The following AMT variants were observed in gnomAD, a reference collection of about 807,000 sequenced individuals.
AMT encodes aminomethyltransferase, mitochondrial.
AMT carries 24 observed loss-of-function variants against 39.5 expected under a neutral mutation model. The observed-to-expected ratio is 0.61, with a 90% CI of 0.44 to 0.86. AMT has a LOEUF of 0.86. Among genes scored for constraint, AMT ranks in the 40% least tolerant of loss-of-function variants. The pLI is 0.00. For synonymous variants in AMT, 210 were observed against 212.1 expected (o/e 0.99, Z 0.09); for missense variants, 501 against 537.0 (o/e 0.93, Z 0.66).
In AMT at chr3:49,422,396, G is replaced by A. The variant is rs1265958704; in HGVS notation, c.55C>T (p.Pro19Ser). ...ARLGFRLQAFPPALCRPLSCA... is the reference protein window; with the variant it reads ...ARLGFRLQAFSPALCRPLSCA... ...CTAAGTGGACGACACAAGGCCGGGG[G>A]GAATGCCTGCAGGCGAAAGCCCAGA... Residue 19 changes from proline (P) to serine (S), a missense_variant, in exon 1 of 9, where the codon CCC (proline) becomes TCC (serine). Transcript: ENST00000273588. 1.2e-6 allele frequency: 2 copies of A among 1,613,910 alleles called. No individual in the cohort carries two copies. Among genetic ancestry groups the A allele is most frequent in the Admixed American group, 1.7e-5 (1 of 60,016 alleles).
rs994868932 is a variant in AMT at position 49,421,533 on chromosome 3, T to C, written c.298A>G (p.Ser100Gly). Residue 100 changes from serine (S) to glycine (G), a missense_variant, in exon 3 of 9, where the codon AGT becomes GGT. Ser to Gly is a moderately conservative substitution (Grantham distance 56). Transcript: ENST00000273588. ...TCTGCAATGTCTCCAACCACTAGACTCTCCATCAGCTTCACCCGGTCACTA... is the reference window on the plus strand; with the variant it reads ...TCTGCAATGTCTCCAACCACTAGACCCTCCATCAGCTTCACCCGGTCACTA... Reference protein sequence around the residue: ...LGSDRVKLMESLVVGDIAELR... With the variant: ...LGSDRVKLMEGLVVGDIAELR... The C allele has an allele frequency of 3.1e-6, 5 of 1,614,028 alleles. No individual in the cohort carries two copies. The highest frequency in any genetic ancestry group is 4.2e-6 in the Non-Finnish European group (5 of 1,180,030).
chr3:49,417,602 G>A lies in AMT; in HGVS notation c.1150C>T (p.Gln384Ter). 1 of 1,614,188 alleles carries A rather than the reference G, an allele frequency of 6.2e-7. No individual in the cohort carries two copies. Among genetic ancestry groups the A allele is most frequent in the Non-Finnish European group, 8.5e-7 (1 of 1,180,036 alleles). The change falls in exon 9 of 9, where the codon CAG (glutamine) becomes TAG (stop). Residue 384 changes from glutamine to a stop codon, truncating the protein, a stop_gained. Coordinates refer to ENST00000273588, the MANE Select transcript of AMT (RefSeq NM_000481.4). LOFTEE classifies it high-confidence loss of function. ...TMLLVEVRRK[Q>*]QMAVVSKMPF... ...ATCTTGCTGACTACAGCCATCTGCT[G>A]CTTCCGCCGCACCTCTACCAGCAGC... is the stretch of plus-strand genomic sequence containing the variant.
At chr3:49,421,724 A>C in intron 2 of AMT, 152 bp from the exon 3 acceptor site, 1 of 749,420 alleles carries the variant, frequency 1.3e-6, no homozygotes, top group Non-Finnish European at 2.3e-6. Flanking sequence ...GCAAAGGACC[A>C]CCTTCTGATT....
chr3:49,419,975 C>T lies in AMT; in HGVS notation c.472-187G>A, dbSNP rs142718660. The stretch of plus-strand genomic sequence containing the variant: ...TACTAAGTGATAGAGATGACCCAAG[C>T]CCAGTTCTGCCACCTCACACCAGAG... On this transcript the variant is annotated intron_variant, in intron 4 of 8. Transcript: ENST00000273588. 8.0e-4 allele frequency: 626 copies of T among 779,086 alleles called. 4 individuals are homozygous for T. In the African/African-American group the frequency reaches 9.5e-3, roughly 12 times the overall value. 48.3% of individuals were successfully genotyped at this position (779,086 alleles called of 1,614,324 possible).
chr3:49,417,994 CAT>C, intron 7 of AMT, 21 bp from the exon 8 acceptor site: 1 of 1,593,928 alleles, frequency 6.3e-7, no homozygotes, highest in Non-Finnish European at 8.5e-7. Flanking sequence ...ACACATGAGA[CAT>C]AAGCCACAGC....
Position 49,417,688 on chromosome 3 carries a change from GA to G in AMT, c.1063del (p.Ser355LeufsTer2), listed in dbSNP as rs776872417. The G allele has an allele frequency of 1.2e-6, 2 of 1,614,058 alleles. No homozygotes were observed. The highest frequency in any genetic ancestry group is 1.7e-6 in the Non-Finnish European group (2 of 1,180,034). ...ACCCATCGCCACATTCTTCTTCAGA[GA>G]GGGGGAGGGGCAGCCACTAGTCACA... is the stretch of plus-strand genomic sequence containing the variant. ...GTVTSGCPSP[S>X]LKKNVAMGYV... On this transcript the variant is annotated frameshift_variant, in exon 9 of 9. Transcript: ENST00000273588. LOFTEE classifies it high-confidence loss of function.
At position 49,417,699 on chromosome 3, in the gene AMT, G is replaced by GC. The variant is rs772953192; in HGVS notation, c.1052dup (p.Cys351TrpfsTer73). The GC allele has an allele frequency of 4.3e-6, 7 of 1,613,450 alleles. No individual in the cohort carries two copies. On this transcript the variant is annotated frameshift_variant, in exon 9 of 9. Transcript: ENST00000273588. LOFTEE classifies it high-confidence loss of function. ...CATTCTTCTTCAGAGAGGGGGAGGG[G>GC]CAGCCACTAGTCACAGTACCTGTCA...
At chr3:49,418,943 C>G in intron 7 of AMT, 28 bp downstream of exon 7, 1 of 1,612,714 alleles carries the variant, frequency 6.2e-7, no homozygotes, top group Admixed American at 1.7e-5. Flanking sequence ...CCTCCAGGAC[C>G]CTATCCTTTA....
Position 49,417,938 on chromosome 3 carries a change from C to A in AMT, c.913G>T (p.Ala305Ser). ...RRRAAMDFPGAKVIVPQLKGR... is the reference protein window; with the variant it reads ...RRRAAMDFPGSKVIVPQLKGR... ...TTCAGCTGGGGAACAATGACCTTGGCTCCAGGGAAGTCCATAGCAGCTCGG... is the reference window on the plus strand; with the variant it reads ...TTCAGCTGGGGAACAATGACCTTGGATCCAGGGAAGTCCATAGCAGCTCGG... Residue 305 changes from alanine (A) to serine (S), a missense_variant, in exon 8 of 9, where the codon GCC (alanine) becomes TCC (serine). Ala to Ser is a moderately conservative substitution (Grantham distance 99, BLOSUM62 1). Coordinates refer to ENST00000273588, the MANE Select transcript of AMT (RefSeq NM_000481.4). 6.2e-7 allele frequency: 1 copy of A among 1,613,900 alleles called. No homozygotes were observed. The highest frequency in any genetic ancestry group is 8.5e-7 in the Non-Finnish European group (1 of 1,179,942).
intron 4 of AMT, 110 bp downstream of exon 4, chr3:49,420,101 G>T: frequency 6.9e-7 from 1 of 1,439,564 alleles, no homozygotes; most frequent in Non-Finnish European, 9.7e-7. Context: ...TTCATTCACT[G>T]AAAGAGCCAT....
intron 5 of AMT, 54 bp from the exon 6 acceptor site, chr3:49,419,459 T>G: frequency 1.9e-6 from 3 of 1,599,608 alleles, no homozygotes; most frequent in Non-Finnish European, 2.6e-6. Context: ...CCCTCAAAGC[T>G]GGACTAAAGC....
rs757813236 is a variant in AMT, at chr3:49,417,000, C to G, written c.*540G>C. On this transcript the variant is annotated 3_prime_UTR_variant, in exon 9 of 9. Transcript: ENST00000273588. ...ATGTGGAAGAGTGAGTCTATGTTCC[C>G]TCAGCCATCCCCAAGTTTACACACA... 2 of 507,342 alleles carry G rather than the reference C, an allele frequency of 3.9e-6. No individual in the cohort carries two copies. Among genetic ancestry groups the G allele is most frequent in the Non-Finnish European group, 7.6e-6 (2 of 262,128 alleles). 31.4% of individuals were successfully genotyped at this position (507,342 alleles called of 1,614,324 possible).
intron 6 of AMT, 30 bp downstream of exon 6, chr3:49,419,230 G>A (rs767083373): frequency 6.2e-7 from 1 of 1,613,442 alleles, no homozygotes; most frequent in South Asian, 1.1e-5. Context: ...CCTGTGCCCT[G>A]TACTGCCCCC....
rs770048404 is a variant in AMT, at chr3:49,417,961, C to T, written c.890G>A (p.Arg297Gln). The T allele has an allele frequency of 2.2e-5, 35 of 1,611,698 alleles. No homozygotes were observed. Among genetic ancestry groups the T allele is most frequent in the Middle Eastern group, 1.7e-4 (1 of 5,964 alleles). The change falls in exon 8 of 9, where the codon CGA (arginine) becomes CAA (glutamine). Residue 297 changes from arginine to glutamine, a missense_variant. Arg to Gln is a conservative substitution (Grantham distance 43). Coordinates refer to ENST00000273588, the MANE Select transcript of AMT (RefSeq NM_000481.4). ...GGCTCCAGGGAAGTCCATAGCAGCT[C>T]GGCGGCGCTTCCCTGGAGAATGACA... ...SLSWTLGKRR[R>Q]AAMDFPGAKV... is the part of the protein sequence containing the mutation.
chr3:49,421,973 C>T, intron 2 of AMT, 131 bp downstream of exon 2: 1 of 1,309,866 alleles, frequency 7.6e-7, no homozygotes, highest in Non-Finnish European at 1.1e-6. Flanking sequence ...TCCATGACAC[C>T]CCCATGACCT....
Position 49,417,669 on chromosome 3 carries a change from C to T in AMT, c.1083G>A (p.Ala361=), listed in dbSNP as rs753899057. The change falls in exon 9 of 9, where the codon GCG becomes GCA. Residue 361 remains alanine, a synonymous_variant. Coordinates refer to ENST00000273588, the MANE Select transcript of AMT (RefSeq NM_000481.4). ...TGTACTCGCAGGGCACATAACCCAT[C>T]GCCACATTCTTCTTCAGAGAGGGGG... is the stretch of plus-strand genomic sequence containing the variant. The part of the protein sequence containing the change: ...CPSPSLKKNV[A]MGYVPCEYSR... 8.7e-6 allele frequency: 14 copies of T among 1,614,018 alleles called. No homozygotes were observed. The highest frequency in any genetic ancestry group is 3.3e-5 in the Admixed American group (2 of 59,976).
intron 7 of AMT, 172 bp from the exon 8 acceptor site, chr3:49,418,145 C>G: frequency 1.3e-6 from 1 of 751,242 alleles, no homozygotes; most frequent in Non-Finnish European, 2.2e-6. Context: ...ACCTCCTATC[C>G]CCTGGAGGCC....
At chr3:49,419,902 GAAAA>G in intron 4 of AMT, 114 bp from the exon 5 acceptor site, 1 of 1,015,450 alleles carries the variant, frequency 9.8e-7, no homozygotes, top group Non-Finnish European at 1.5e-6. Flanking sequence ...GAGGAGGGAG[GAAAA>G]AAAAAGGTAG....
Position 49,422,268 on chromosome 3 carries a change from C to G in AMT, c.94G>C (p.Val32Leu), listed in dbSNP as rs1485270149. 6.2e-7 allele frequency: 1 copy of G among 1,614,000 alleles called. No homozygotes were observed. The highest frequency in any genetic ancestry group is 1.7e-5 in the Admixed American group (1 of 60,008). ...LCRPLSCAQEVLRRTPLYDFH... is the reference protein window; with the variant it reads ...LCRPLSCAQELLRRTPLYDFH... ...TCATAGAGCGGTGTCCTGCGGAGCA[C>G]CTCCTGTGGGCGGCTGGGCTTAGTG... The change falls in exon 2 of 9, where the codon GTG becomes CTG. Residue 32 changes from valine to leucine, a missense_variant. Val to Leu is a conservative substitution (Grantham distance 32). Coordinates refer to ENST00000273588, the MANE Select transcript of AMT (RefSeq NM_000481.4).
Sources: allele counts gnomAD v4.1 joint callset, GRCh38; gene constraint gnomAD v4.1.1; transcripts MANE v1.5; gene names NCBI Gene and HGNC (gene_info 2026-07-23, HGNC 2026-07-21).